ENTHD1: variants seen among roughly 807,000 people sequenced by gnomAD.
The protein encoded by ENTHD1 is ENTH domain-containing protein 1.
A neutral mutation model predicts 39.1 loss-of-function variants in ENTHD1; 23 were observed. The ratio of observed to expected loss-of-function variants is 0.59; its 90% CI spans 0.42 to 0.83. The LOEUF (loss-of-function observed/expected upper bound fraction) is 0.83. Among genes scored for constraint, ENTHD1 ranks in the 40% least tolerant of loss-of-function variants. The pLI, the probability that ENTHD1 is intolerant of heterozygous loss-of-function variation, is 0.00. For missense variants in ENTHD1, 624 were observed against 705.4 expected, an observed-to-expected ratio of 0.88 and a Z score of 1.31; for synonymous variants, 230 against 258.2, an observed-to-expected ratio of 0.89 and a Z score of 1.05.
chr22:39,784,558 AC>A (rs1810742875), intron 5 of ENTHD1, among the ~76,000 whole-genome samples: 1 of 151,104 alleles, frequency 6.6e-6, no homozygotes, highest in Admixed American at 6.6e-5. Flanking sequence ...ACACACACAC[AC>A]ACACACACAC....
intron 3 of ENTHD1, among the ~76,000 whole-genome samples, chr22:39,849,414 T>G (rs1410427300): frequency 6.6e-6 from 1 of 152,128 alleles, no homozygotes; most frequent in Non-Finnish European, 1.5e-5. Flanking sequence ...TACCCTACAA[T>G]GCATAGCTCC....
chr22:39,836,253 T>C lies in ENTHD1; in HGVS notation c.593-295A>G, dbSNP rs576099696. 2.6e-5 allele frequency among the ~76,000 whole-genome samples: 4 copies of C among 152,300 alleles called. No homozygotes were observed. In the South Asian group the frequency reaches 8.3e-4, roughly 32 times the overall value. ...TTATAATGCACTTATGTGGTTTTGATTGACTGCATACTAACAATAATTATG... is the reference window on the plus strand; with the variant it reads ...TTATAATGCACTTATGTGGTTTTGACTGACTGCATACTAACAATAATTATG... On this transcript the variant is annotated intron_variant, in intron 3 of 6. Transcript: ENST00000325157.
intron 5 of ENTHD1, among the ~76,000 whole-genome samples, chr22:39,796,295 CAG>C (rs2065549063): frequency 6.6e-6 from 1 of 151,988 alleles, no homozygotes; most frequent in Non-Finnish European, 1.5e-5. Flanking sequence ...TTTTTTGAGA[CAG>C]GGTCTTGCTC....
chr22:39,749,947 G>A (rs867203647), intron 6 of ENTHD1, among the ~76,000 whole-genome samples: 8 of 152,200 alleles, frequency 5.3e-5, no homozygotes, highest in East Asian at 1.9e-4. Flanking sequence ...TGATGTCTGC[G>A]TACTCCTGGA....
chr22:39,829,935 G>A (rs1287393171), intron 4 of ENTHD1, among the ~76,000 whole-genome samples: 3 of 152,066 alleles, frequency 2.0e-5, no homozygotes, highest in Admixed American at 2.0e-4. Flanking sequence ...CTATTCACAG[G>A]TGTAATCATA....
chr22:39,788,165 A>G (rs1262271603), intron 5 of ENTHD1, among the ~76,000 whole-genome samples: 1 of 152,230 alleles, frequency 6.6e-6, no homozygotes, highest in East Asian at 1.9e-4. Flanking sequence ...TTGTAAGGTT[A>G]TAGCTGCCTT....
At chr22:39,818,236 G>A (rs552047328) in intron 5 of ENTHD1, among the ~76,000 whole-genome samples, 4 of 152,294 alleles carry the variant, frequency 2.6e-5, no homozygotes, top group Non-Finnish European at 4.4e-5. Flanking sequence ...GCCTCCAGCC[G>A]ATAGCCAGCA....
At chr22:39,802,896 A>G (rs775534977) in intron 5 of ENTHD1, among the ~76,000 whole-genome samples, 2 of 152,178 alleles carry the variant, frequency 1.3e-5, no homozygotes, top group Non-Finnish European at 2.9e-5. Context: ...GCCAAACTCC[A>G]AAGTCTATCT....
chr22:39,744,291 G>A lies in ENTHD1; in HGVS notation c.1220-8C>T. On this transcript the variant is annotated splice_region_variant and splice_polypyrimidine_tract_variant and intron_variant, in intron 6 of 6. Coordinates refer to ENST00000325157, the MANE Select transcript of ENTHD1 (RefSeq NM_152512.4). ...CCTCAGAAGCAGTTGAAACTAAAAT[G>A]TGTAAATGAGAGAAAAAAGATTTAT... The A allele has an allele frequency of 6.4e-7, 1 of 1,564,982 alleles. No homozygotes were observed. Among genetic ancestry groups the A allele is most frequent in the Non-Finnish European group, 8.6e-7 (1 of 1,160,912 alleles).
intron 4 of ENTHD1, among the ~76,000 whole-genome samples, chr22:39,834,630 A>G (rs1346665427): frequency 6.6e-6 from 1 of 152,192 alleles, no homozygotes. Context: ...ACTCTCTGAC[A>G]TTTATCCCCG....
chr22:39,746,429 A>G (rs1169590487), intron 6 of ENTHD1, among the ~76,000 whole-genome samples: 1 of 151,634 alleles, frequency 6.6e-6, no homozygotes, highest in East Asian at 1.9e-4. Flanking sequence ...CTTTCCCTTC[A>G]TAGTGTATGT....
At chr22:39,822,577 T>C (rs912930727) in intron 4 of ENTHD1, among the ~76,000 whole-genome samples, 1 of 152,170 alleles carries the variant, frequency 6.6e-6, no homozygotes, top group Non-Finnish European at 1.5e-5. Flanking sequence ...AGGGAGAGAT[T>C]GCACAAAAAA....
At chr22:39,792,681 A>G (rs939668169) in intron 5 of ENTHD1, among the ~76,000 whole-genome samples, 1 of 151,728 alleles carries the variant, frequency 6.6e-6, no homozygotes, top group African/African-American at 2.4e-5. Context: ...GGTGCACTAA[A>G]CTCTTTCTCT....
intron 5 of ENTHD1, among the ~76,000 whole-genome samples, chr22:39,819,772 T>C (rs1337827508): frequency 6.6e-6 from 1 of 152,220 alleles, no homozygotes; most frequent in African/African-American, 2.4e-5. Flanking sequence ...AGTTCATTGA[T>C]TGTAACAAAT....
At chr22:39,803,993 C>T (rs894905519) in intron 5 of ENTHD1, among the ~76,000 whole-genome samples, 2 of 151,944 alleles carry the variant, frequency 1.3e-5, no homozygotes, top group African/African-American at 4.8e-5. Flanking sequence ...GAGACCCTGT[C>T]TCTATAAAAA....
At chr22:39,776,113 G>A (rs533744759) in intron 5 of ENTHD1, among the ~76,000 whole-genome samples, 3 of 151,906 alleles carry the variant, frequency 2.0e-5, no homozygotes, top group African/African-American at 4.8e-5. Flanking sequence ...AGGTAGTCTC[G>A]AACTCCTGGG....
chr22:39,768,174 C>G (rs115842582), intron 5 of ENTHD1, among the ~76,000 whole-genome samples: 1 of 152,124 alleles, frequency 6.6e-6, no homozygotes, highest in African/African-American at 2.4e-5. Context: ...CTATGCAATG[C>G]GTCAAATTAT....
chr22:39,846,076 C>T (rs1601636620), intron 3 of ENTHD1, among the ~76,000 whole-genome samples: 1 of 152,152 alleles, frequency 6.6e-6, no homozygotes, highest in South Asian at 2.1e-4. Flanking sequence ...TGGGAAAGGA[C>T]AGTTTCTTTG....
intron 4 of ENTHD1, among the ~76,000 whole-genome samples, chr22:39,825,966 C>T (rs2065823167): frequency 6.6e-6 from 1 of 152,190 alleles, no homozygotes; most frequent in Non-Finnish European, 1.5e-5. Flanking sequence ...AGCTCTGCCT[C>T]CCAGGTTCGA....
Sources: allele counts gnomAD v4.1 joint callset (sites outside exome capture counted in the v4.1 genomes callset), GRCh38; gene constraint gnomAD v4.1.1; transcripts MANE v1.5; gene names NCBI Gene and HGNC (gene_info 2026-07-23, HGNC 2026-07-21).